The following KCNU1 variants were observed in gnomAD, a reference collection of about 807,000 sequenced individuals.
KCNU1 encodes potassium calcium-activated channel subfamily U member 1, also known as potassium channel subfamily U member 1.
Under a neutral mutation model 126.8 loss-of-function variants are expected in KCNU1, and 93 were observed. The ratio of observed to expected loss-of-function variants is 0.73; its 90% CI spans 0.62 to 0.87. The LOEUF (loss-of-function observed/expected upper bound fraction) is 0.87. Among genes scored for constraint, KCNU1 ranks in the 40% least tolerant of loss-of-function variants. The pLI, the probability that KCNU1 is intolerant of heterozygous loss-of-function variation, is 0.00. For synonymous variants in KCNU1, 523 were observed against 494.2 expected, an observed-to-expected ratio of 1.06 and a Z score of -0.77; for missense variants, 1,330 against 1,367.1, an observed-to-expected ratio of 0.97 and a Z score of 0.43.
chr8:36,788,606 A>T (rs1460534940), intron 2 of KCNU1, among the ~76,000 whole-genome samples: 1 of 152,216 alleles, frequency 6.6e-6, no homozygotes, highest in Non-Finnish European at 1.5e-5. Flanking sequence ...AAATTACTAA[A>T]GCTTGGTTGG....
At chr8:36,787,504 C>T (rs938984660) in intron 2 of KCNU1, 79 bp downstream of exon 2, 23 of 1,386,004 alleles carry the variant, frequency 1.7e-5, no homozygotes, top group Non-Finnish European at 2.1e-5. Context: ...TCAATTGATT[C>T]CCTAGGTAAA....
intron 22 of KCNU1, among the ~76,000 whole-genome samples, chr8:36,916,592 TA>T (rs1808122182): frequency 6.6e-6 from 1 of 152,184 alleles, no homozygotes; most frequent in South Asian, 2.1e-4. Context: ...ATTTCAGAGA[TA>T]TTTTTAAGGA....
At chr8:36,864,554 GTTT>G (rs756465712) in intron 19 of KCNU1, 33 bp downstream of exon 19, 1 of 1,260,412 alleles carries the variant, frequency 7.9e-7, no homozygotes, top group Admixed American at 1.7e-5. Flanking sequence ...GTCTCCTATA[GTTT>G]TTTTGAGAAT....
rs576625005 is a variant in KCNU1, at chr8:36,918,390, T to TA, written c.2522-422dup. On this transcript the variant is annotated intron_variant, in intron 22 of 26. Coordinates refer to ENST00000399881, the MANE Select transcript of KCNU1 (RefSeq NM_001031836.3). ...GACCCCATCTCTGCAAAGATAAAAA[T>TA]AAAAAAAAAAATAAATTAGCTGGGT... 4.4e-3 allele frequency among the ~76,000 whole-genome samples: 641 copies of TA among 144,112 alleles called. 9 individuals carry two copies. The highest frequency in any genetic ancestry group is 0.015 in the African/African-American group (592 of 39,490). The allele number at this position is 144,112 out of a possible 152,430, so 94.5% of individuals were successfully genotyped here.
At chr8:36,819,842 C>G (rs189308331) in intron 10 of KCNU1, among the ~76,000 whole-genome samples, 4 of 152,310 alleles carry the variant, frequency 2.6e-5, no homozygotes, top group Admixed American at 2.6e-4. Context: ...TGCCCCTTCT[C>G]CCATTTAAAT....
intron 22 of KCNU1, among the ~76,000 whole-genome samples, chr8:36,912,787 C>T (rs893632494): frequency 2.0e-5 from 3 of 151,760 alleles, no homozygotes; most frequent in African/African-American, 4.8e-5. Flanking sequence ...TTGGTCAACA[C>T]GGTGAAACCA....
intron 5 of KCNU1, 143 bp from the exon 6 acceptor site, chr8:36,807,232 C>T: frequency 1.5e-6 from 1 of 650,632 alleles, no homozygotes; most frequent in Non-Finnish European, 2.7e-6. Flanking sequence ...ACAGCTTATG[C>T]TGTTAAGCCT....
At chr8:36,879,352 TAC>T (rs1806393128) in intron 19 of KCNU1, among the ~76,000 whole-genome samples, 2 of 151,610 alleles carry the variant, frequency 1.3e-5, no homozygotes, top group Non-Finnish European at 1.5e-5. Flanking sequence ...ACCTACTAGG[TAC>T]TCAGTGGTAT....
At chr8:36,928,852 T>A in intron 24 of KCNU1, 1 of 583,316 alleles carries the variant, frequency 1.7e-6, no homozygotes, top group Non-Finnish European at 3.0e-6. Context: ...TCAGAACCAC[T>A]CAGAGTGCCC....
At chr8:36,833,464 A>G in intron 10 of KCNU1, 90 bp from the exon 11 acceptor site, 1 of 725,018 alleles carries the variant, frequency 1.4e-6, no homozygotes, top group Non-Finnish European at 2.5e-6. Context: ...GAGGGATTCT[A>G]CTAAATGCAC....
At chr8:36,831,835 A>C (rs1804560027) in intron 10 of KCNU1, among the ~76,000 whole-genome samples, 1 of 151,172 alleles carries the variant, frequency 6.6e-6, no homozygotes, top group Non-Finnish European at 1.5e-5. Flanking sequence ...GTCCTTGCCC[A>C]TGCCTGTGTC....
At chr8:36,808,840 T>A (rs766085443) in intron 7 of KCNU1, 47 bp downstream of exon 7, 3 of 1,432,700 alleles carry the variant, frequency 2.1e-6, no homozygotes, top group Admixed American at 3.7e-5. Context: ...GTTACCAGCA[T>A]CCATTTTTTG....
chr8:36,793,764 G>A (rs186792025), intron 2 of KCNU1, among the ~76,000 whole-genome samples: 22 of 152,150 alleles, frequency 1.4e-4, no homozygotes, highest in Admixed American at 6.5e-4. Context: ...ATTCTTAAAC[G>A]TCTATATATG....
intron 7 of KCNU1, among the ~76,000 whole-genome samples, chr8:36,811,678 T>C (rs1803719367): frequency 6.6e-6 from 1 of 152,172 alleles, no homozygotes; most frequent in Non-Finnish European, 1.5e-5. Flanking sequence ...ACGCTTTTAA[T>C]CTCAGCACTT....
At chr8:36,872,934 A>T (rs1806154437) in intron 19 of KCNU1, among the ~76,000 whole-genome samples, 1 of 152,086 alleles carries the variant, frequency 6.6e-6, no homozygotes, top group African/African-American at 2.4e-5. Flanking sequence ...CCTGGCCAAC[A>T]TGGTGAAACC....
At chr8:36,801,457 T>TA (rs1803302599) in intron 2 of KCNU1, among the ~76,000 whole-genome samples, 1 of 151,958 alleles carries the variant, frequency 6.6e-6, no homozygotes, top group African/African-American at 2.4e-5. Context: ...TAAATGTACT[T>TA]ACATGTTTCT....
chr8:36,788,517 G>A (rs1802793001), intron 2 of KCNU1, among the ~76,000 whole-genome samples: 1 of 152,188 alleles, frequency 6.6e-6, no homozygotes, highest in Non-Finnish European at 1.5e-5. Context: ...AGTTTCATGT[G>A]AGCTAAAGAT....
At chr8:36,863,278 G>C (rs1805792497) in intron 18 of KCNU1, among the ~76,000 whole-genome samples, 1 of 152,148 alleles carries the variant, frequency 6.6e-6, no homozygotes, top group Non-Finnish European at 1.5e-5. Flanking sequence ...TGATAAGTGG[G>C]ATTAAGGGCT....
At chr8:36,817,845 C>A in intron 10 of KCNU1, 85 bp downstream of exon 10, 4 of 659,674 alleles carry the variant, frequency 6.1e-6, no homozygotes, top group Non-Finnish European at 1.1e-5. Flanking sequence ...ATTACCTTCA[C>A]AATATTTATA....
Sources: gnomAD v4.1 joint callset for allele counts (sites outside exome capture counted in the v4.1 genomes callset) on GRCh38, gnomAD v4.1.1 for gene constraint, MANE v1.5 for transcripts, NCBI Gene and HGNC (gene_info 2026-07-23, HGNC 2026-07-21) for gene names.